Variants in SCN1A observed in about 807,000 individuals in gnomAD.
SCN1A encodes sodium voltage-gated channel alpha subunit 1, also known as sodium channel protein type 1 subunit alpha.
Under a neutral mutation model 193.7 loss-of-function variants are expected in SCN1A, and 13 were observed. The observed-to-expected ratio is 0.07, with a 90% CI of 0.04 to 0.11. The LOEUF is 0.11. Among genes scored for constraint, SCN1A ranks in the 10% least tolerant of loss-of-function variants. SCN1A has a pLI of 1.00. For synonymous variants in SCN1A, 781 were observed against 843.6 expected, an observed-to-expected ratio of 0.93 and a Z score of 1.29; for missense variants, 1,432 against 2,451.1, an observed-to-expected ratio of 0.58 and a Z score of 8.78.
At chr2:166,013,989 T>C in intron 20 of SCN1A, 91 bp from the exon 21 acceptor site, 1 of 1,416,524 alleles carries the variant, frequency 7.1e-7, no homozygotes, top group South Asian at 1.2e-5. Context: ...TTTATTACTA[T>C]GCTCATCTCT....
chr2:166,078,580 A>G (rs1574396620), intron 2 of SCN1A, among the ~76,000 whole-genome samples: 1 of 151,742 alleles, frequency 6.6e-6, no homozygotes, highest in Non-Finnish European at 1.5e-5. Flanking sequence ...AAAAAGTACA[A>G]TGGAAGAAAT....
intron 1 of SCN1A, among the ~76,000 whole-genome samples, chr2:166,143,136 A>C (rs1256971829): frequency 6.6e-6 from 1 of 152,042 alleles, no homozygotes; most frequent in African/African-American, 2.4e-5. Context: ...TTGAAACAAA[A>C]CAAGAAAGAT....
intron 1 of SCN1A, among the ~76,000 whole-genome samples, chr2:166,134,491 T>C (rs1270759779): frequency 6.6e-6 from 1 of 152,124 alleles, no homozygotes; most frequent in African/African-American, 2.4e-5. Context: ...CTAACCAACA[T>C]TGGTTTTAGC....
At chr2:166,109,333 T>A (rs1198988066) in intron 2 of SCN1A, among the ~76,000 whole-genome samples, 1 of 152,152 alleles carries the variant, frequency 6.6e-6, no homozygotes, top group African/African-American at 2.4e-5. Flanking sequence ...AGATCAGTAA[T>A]TTGAAGCTTA....
intron 2 of SCN1A, among the ~76,000 whole-genome samples, chr2:166,113,919 CTAA>C (rs761925302): frequency 7.9e-5 from 12 of 152,174 alleles, no homozygotes; most frequent in Non-Finnish European, 1.8e-4. Context: ...TTTTCACACT[CTAA>C]TGTTACCTTG....
chr2:166,052,282 T>G (rs959263172), intron 8 of SCN1A, among the ~76,000 whole-genome samples: 2 of 152,030 alleles, frequency 1.3e-5, no homozygotes, highest in East Asian at 3.9e-4. Flanking sequence ...TTTTCCTTTT[T>G]GCTACTGAAA....
chr2:166,050,758 T>C (rs1259950597), intron 9 of SCN1A, among the ~76,000 whole-genome samples: 1 of 150,050 alleles, frequency 6.7e-6, no homozygotes, highest in Non-Finnish European at 1.5e-5. Context: ...GGATTATAGG[T>C]GTGAGCCACT....
At chr2:166,035,947 AAAT>A in intron 19 of SCN1A, 98 bp downstream of exon 19, 1 of 1,119,904 alleles carries the variant, frequency 8.9e-7, no homozygotes, top group Non-Finnish European at 1.3e-6. Context: ...AAAAAAAAAA[AAAT>A]CTTAAGTCAA....
intron 8 of SCN1A, 108 bp downstream of exon 8, chr2:166,052,744 G>A (rs1225335672): frequency 1.1e-6 from 1 of 925,682 alleles, no homozygotes; most frequent in Non-Finnish European, 1.7e-6. Context: ...CATTTTCTTT[G>A]AAACACCTAG....
chr2:166,145,847 AC>A (rs1692299508), intron 1 of SCN1A, among the ~76,000 whole-genome samples: 1 of 151,804 alleles, frequency 6.6e-6, no homozygotes, highest in Non-Finnish European at 1.5e-5. Flanking sequence ...TATCTTCTAA[AC>A]TCTTTGATGA....
chr2:166,006,881 G>A (rs935140123), intron 23 of SCN1A, among the ~76,000 whole-genome samples: 2 of 151,136 alleles, frequency 1.3e-5, no homozygotes, highest in Non-Finnish European at 3.0e-5. Context: ...AGCTTAACAA[G>A]TTAAATTGTT....
intron 1 of SCN1A, among the ~76,000 whole-genome samples, chr2:166,143,419 G>C (rs920724228): frequency 3.9e-5 from 6 of 152,026 alleles, no homozygotes; most frequent in African/African-American, 7.2e-5. Context: ...GCCCACCTCA[G>C]CCTCCCAAAG....
Position 166,125,234 on chromosome 2 carries a change from A to G in SCN1A, c.-142+1690T>C, listed in dbSNP as rs1691101465. Among the ~76,000 whole-genome samples the G allele has an allele frequency of 1.3e-5, 2 of 152,142 alleles. 1 individual carries two copies. Among genetic ancestry groups the G allele is most frequent in the South Asian group, 4.1e-4 (2 of 4,822 alleles). ...CTGAGGGTGACTATACAGGACCTTC[A>G]ATTGCTGATTCTCTCCCATCCTTCT... On this transcript the variant is annotated intron_variant, in intron 2 of 28. Transcript: ENST00000674923.
chr2:166,107,478 A>T (rs1688822129), intron 2 of SCN1A, among the ~76,000 whole-genome samples: 1 of 152,226 alleles, frequency 6.6e-6, no homozygotes, highest in African/African-American at 2.4e-5. Flanking sequence ...AAAAATCAAA[A>T]GTTAAAATAC....
intron 20 of SCN1A, among the ~76,000 whole-genome samples, chr2:166,014,962 T>C (rs1693081706): frequency 6.6e-6 from 1 of 151,714 alleles, no homozygotes; most frequent in Admixed American, 6.6e-5. Context: ...ATGATTTGTA[T>C]AGGGAATAGA....
upstream of SCN1A, among the ~76,000 whole-genome samples, chr2:166,130,294 C>G (rs1012508933): frequency 6.6e-6 from 1 of 152,118 alleles, no homozygotes; most frequent in Non-Finnish European, 1.5e-5. Context: ...CTTCATGCAC[C>G]TGATATATGC....
At chr2:166,098,505 A>G (rs999475498) in intron 2 of SCN1A, among the ~76,000 whole-genome samples, 15 of 152,154 alleles carry the variant, frequency 9.9e-5, no homozygotes, top group African/African-American at 3.6e-4. Context: ...TCCTAGCCAG[A>G]GCAACCAGGC....
At chr2:166,041,683 T>C (rs1402840154) in intron 15 of SCN1A, among the ~76,000 whole-genome samples, 1 of 152,186 alleles carries the variant, frequency 6.6e-6, no homozygotes, top group Non-Finnish European at 1.5e-5. Context: ...CAATGGGTAG[T>C]TTTTTGTCTT....
chr2:166,049,937 A>G (rs986772761), intron 9 of SCN1A, among the ~76,000 whole-genome samples: 6 of 152,028 alleles, frequency 3.9e-5, no homozygotes, highest in Admixed American at 1.3e-4. Flanking sequence ...TAAACAATCA[A>G]TGTTGGATTT....
Sources: allele counts gnomAD v4.1 joint callset (sites outside exome capture counted in the v4.1 genomes callset), GRCh38; gene constraint gnomAD v4.1.1; transcripts MANE v1.5; gene names NCBI Gene and HGNC (gene_info 2026-07-23, HGNC 2026-07-21).